IFNAR2: variants seen among roughly 807,000 people sequenced by gnomAD.
IFNAR2 encodes interferon alpha/beta receptor 2.
IFNAR2 carries 30 observed loss-of-function variants against 49.4 expected under a neutral mutation model. The observed-to-expected ratio is 0.61, with a 90% CI of 0.45 to 0.82. IFNAR2 has a LOEUF of 0.82. Among genes scored for constraint, IFNAR2 ranks in the 40% least tolerant of loss-of-function variants. The probability of loss-of-function intolerance (pLI) is 0.00; values close to 1 mark genes in which losing one functional copy is unlikely to be tolerated. For missense variants in IFNAR2, 600 were observed against 622.7 expected (o/e 0.96, Z 0.39); for synonymous variants, 224 against 234.5 (o/e 0.96, Z 0.41).
Position 33,229,950 on chromosome 21 carries a change from G to A in IFNAR2, c.-350G>A, listed in dbSNP as rs1010085176. On this transcript the variant is annotated 5_prime_UTR_variant, in exon 1 of 9. Transcript: ENST00000342136. ...CGCCCGCGCTTCCGTATCGCTCCTC[G>A]TAGGCCGGGGCTCGGCGCGCGCACC... The A allele has an allele frequency of 3.1e-6, 3 of 983,544 alleles. No individual in the cohort carries two copies. Among genetic ancestry groups the A allele is most frequent in the Non-Finnish European group, 3.6e-6 (3 of 829,384 alleles). 60.9% of individuals were successfully genotyped at this position (983,544 alleles called of 1,614,324 possible).
chr21:33,247,098 G>T (rs1416049707), intron 5 of IFNAR2, among the ~76,000 whole-genome samples: 1 of 152,090 alleles, frequency 6.6e-6, no homozygotes, highest in Admixed American at 6.5e-5. Flanking sequence ...ATGATAATTT[G>T]TACTTTGCAG....
At chr21:33,256,036 T>G (rs1988187060) in intron 7 of IFNAR2, among the ~76,000 whole-genome samples, 1 of 152,210 alleles carries the variant, frequency 6.6e-6, no homozygotes, top group African/African-American at 2.4e-5. Context: ...ACGAAACTCT[T>G]ATAGACAATA....
At chr21:33,249,712 A>T (rs1396555563) in intron 6 of IFNAR2, among the ~76,000 whole-genome samples, 2 of 152,180 alleles carry the variant, frequency 1.3e-5, no homozygotes, top group Admixed American at 1.3e-4. Context: ...TCACCGGTGT[A>T]GCAGCAGCTT....
chr21:33,251,760 GCAACTA>G, intron 6 of IFNAR2: 1 of 985,298 alleles, frequency 1.0e-6, no homozygotes. Context: ...GAAGTGAAAT[GCAACTA>G]CAGGAAAGAA....
At position 33,246,730 on chromosome 21, in the gene IFNAR2, T is replaced by TTTGAA; in HGVS notation, c.235_239dup (p.Lys80AsnfsTer2). On this transcript the variant is annotated frameshift_variant, in exon 5 of 9. Transcript: ENST00000342136. LOFTEE classifies it high-confidence loss of function. ...TTTCTTTCCAAAGTAAACCAGAAGA[T>TTTGAA]TTGAAGGTGGTTAAGAACTGTGCAA... is the stretch of plus-strand genomic sequence containing the variant. The TTTGAA allele has an allele frequency of 6.2e-7, 1 of 1,609,152 alleles. No homozygotes were observed.
rs552702462 is a variant in IFNAR2, at chr21:33,263,075, G to A, written c.1123G>A (p.Val375Met). The change falls in exon 9 of 9, where the codon GTG (valine) becomes ATG (methionine). Residue 375 changes from valine (V) to methionine (M), a missense_variant. Physicochemically the swap from Val to Met is conservative, Grantham distance 21 (BLOSUM62 1). Coordinates refer to ENST00000342136, the MANE Select transcript of IFNAR2 (RefSeq NM_001289125.3). ...EEEPDLPEVDVELPTMPKDSP... is the reference protein window; with the variant it reads ...EEEPDLPEVDMELPTMPKDSP... ...GGAGCCTGACCTGCCTGAGGTTGAT[G>A]TGGAGCTCCCCACGATGCCAAAGGA... 2 of 1,614,186 alleles carry A rather than the reference G, an allele frequency of 1.2e-6. No homozygotes were observed. Among genetic ancestry groups the A allele is most frequent in the Admixed American group, 1.7e-5 (1 of 60,026 alleles).
chr21:33,244,970 C>T lies in IFNAR2; in HGVS notation c.117C>T (p.Cys39=), dbSNP rs1164631131. The change falls in exon 4 of 9, where the codon TGC becomes TGT. Residue 39 remains cysteine, a synonymous_variant. Transcript: ENST00000342136. ...YDSPDYTDES[C]TFKISLRNFR... ...CTTTAGATTACACAGATGAATCTTGCACTTTCAAGATATCATTGCGAAATT... is the reference window on the plus strand; with the variant it reads ...CTTTAGATTACACAGATGAATCTTGTACTTTCAAGATATCATTGCGAAATT... 6.2e-7 allele frequency: 1 copy of T among 1,612,520 alleles called. No homozygotes were observed. Among genetic ancestry groups the T allele is most frequent in the South Asian group, 1.1e-5 (1 of 91,058 alleles).
Position 33,263,100 on chromosome 21 carries a change from A to G in IFNAR2, c.1148A>G (p.Asp383Gly). 1 of 1,614,178 alleles carries G rather than the reference A, an allele frequency of 6.2e-7. No individual in the cohort carries two copies. Among genetic ancestry groups the G allele is most frequent in the Non-Finnish European group, 8.5e-7 (1 of 1,180,026 alleles). Residue 383 changes from aspartate (D) to glycine (G), a missense_variant, in exon 9 of 9, where the codon GAC (aspartate) becomes GGC (glycine). Physicochemically the swap from Asp to Gly is moderately conservative, Grantham distance 94. Coordinates refer to ENST00000342136, the MANE Select transcript of IFNAR2 (RefSeq NM_001289125.3). ...GTGGAGCTCCCCACGATGCCAAAGG[A>G]CAGCCCTCAGCAGTTGGAACTCTTG... ...VDVELPTMPK[D>G]SPQQLELLSG... is the part of the protein sequence containing the mutation.
chr21:33,250,436 G>A (rs1037748792), intron 6 of IFNAR2, among the ~76,000 whole-genome samples: 17 of 152,172 alleles, frequency 1.1e-4, no homozygotes, highest in African/African-American at 3.4e-4. Flanking sequence ...AAAAAAATAA[G>A]CTACTAGTAT....
At chr21:33,252,482 T>C (rs1987923945) in intron 6 of IFNAR2, 180 bp from the exon 7 acceptor site, 1 of 985,176 alleles carries the variant, frequency 1.0e-6, no homozygotes, top group African/African-American at 1.7e-5. Context: ...ATATTAAAAG[T>C]GCATGTAGGT....
chr21:33,254,189 A>G (rs1988057079), intron 7 of IFNAR2, among the ~76,000 whole-genome samples: 1 of 152,230 alleles, frequency 6.6e-6, no homozygotes, highest in Admixed American at 6.5e-5. Flanking sequence ...CGAGTAAAGT[A>G]AAGTAAACCT....
intron 1 of IFNAR2, among the ~76,000 whole-genome samples, chr21:33,239,214 C>G (rs1195457428): frequency 1.3e-5 from 2 of 152,190 alleles, no homozygotes; most frequent in African/African-American, 4.8e-5. Flanking sequence ...AAGGATACAA[C>G]TCCAGGCCCC....
intron 5 of IFNAR2, among the ~76,000 whole-genome samples, chr21:33,248,015 A>G (rs17860208): frequency 0.035 from 5,365 of 152,342 alleles, 127 homozygotes; most frequent in Non-Finnish European, 0.055. Flanking sequence ...TTGGGTTGTT[A>G]AAGAATGCAT....
chr21:33,235,870 G>A (rs1986410788), intron 1 of IFNAR2, among the ~76,000 whole-genome samples: 1 of 152,094 alleles, frequency 6.6e-6, no homozygotes, highest in Admixed American at 6.5e-5. Flanking sequence ...AGCTTGCAGT[G>A]AGCCAAAGTT....
chr21:33,263,130 G>A lies in IFNAR2; in HGVS notation c.1178G>A (p.Gly393Glu), dbSNP rs1449154331. Residue 393 changes from glycine to glutamate, a missense_variant, in exon 9 of 9, where the codon GGG becomes GAG. Transcript: ENST00000342136. ...DSPQQLELLS[G>E]PCERRKSPLQ... ...CCTCAGCAGTTGGAACTCTTGAGTGGGCCCTGTGAGAGGAGAAAGAGTCCA... is the reference window on the plus strand; with the variant it reads ...CCTCAGCAGTTGGAACTCTTGAGTGAGCCCTGTGAGAGGAGAAAGAGTCCA... The A allele has an allele frequency of 1.2e-6, 2 of 1,614,166 alleles. No homozygotes were observed. Among genetic ancestry groups the A allele is most frequent in the Non-Finnish European group, 1.7e-6 (2 of 1,180,030 alleles).
rs2123491708 is a variant in IFNAR2 at position 33,248,803 on chromosome 21, G to A, written c.489G>A (p.Gln163=). The A allele has an allele frequency of 1.2e-6, 2 of 1,610,840 alleles. No individual in the cohort carries two copies. Among genetic ancestry groups the A allele is most frequent in the Non-Finnish European group, 1.7e-6 (2 of 1,178,664 alleles). Residue 163 remains glutamine (Q), a synonymous_variant, in exon 6 of 9, where the codon CAG becomes CAA. Transcript: ENST00000342136. ...KFPSIVEEEL[Q]FDLSLVIEEQ... ...CATCTATTGTTGAGGAAGAATTACA[G>A]TTTGATTTATCTCTCGTCATTGAAG...
At position 33,263,132 on chromosome 21, in the gene IFNAR2, C is replaced by T. The variant is rs770762649; in HGVS notation, c.1180C>T (p.Pro394Ser). The T allele has an allele frequency of 1.1e-5, 18 of 1,614,164 alleles. No individual in the cohort carries two copies. The South Asian group carries it at 1.9e-4, about 17-fold the overall frequency. Reference sequence around the variant, plus strand: ...TCAGCAGTTGGAACTCTTGAGTGGGCCCTGTGAGAGGAGAAAGAGTCCACT... The same window carrying T: ...TCAGCAGTTGGAACTCTTGAGTGGGTCCTGTGAGAGGAGAAAGAGTCCACT... Reference protein sequence around the residue: ...SPQQLELLSGPCERRKSPLQD... With the variant: ...SPQQLELLSGSCERRKSPLQD... The change falls in exon 9 of 9, where the codon CCC (proline) becomes TCC (serine). Residue 394 changes from proline (P) to serine (S), a missense_variant. Transcript: ENST00000342136.
At chr21:33,238,979 T>G (rs956746965) in intron 1 of IFNAR2, among the ~76,000 whole-genome samples, 9 of 152,096 alleles carry the variant, frequency 5.9e-5, no homozygotes, top group Admixed American at 6.5e-5. Context: ...TTGAGAAAAA[T>G]CCAAGAACTT....
chr21:33,243,124 C>T (rs1987115643), intron 2 of IFNAR2, among the ~76,000 whole-genome samples: 1 of 151,282 alleles, frequency 6.6e-6, no homozygotes, highest in African/African-American at 2.4e-5. Context: ...CCCTCTGTCA[C>T]CCAGGCTGGA....
Sources: allele counts gnomAD v4.1 joint callset (sites outside exome capture counted in the v4.1 genomes callset), GRCh38; gene constraint gnomAD v4.1.1; transcripts MANE v1.5; gene names NCBI Gene and HGNC (gene_info 2026-07-23, HGNC 2026-07-21).